The following SREK1IP1 variants were observed in gnomAD, a reference collection of about 807,000 sequenced individuals.
SREK1IP1 encodes the protein SREK1 interacting protein 1, also known as protein SREK1IP1.
In SREK1IP1, 12 loss-of-function variants were observed where a neutral mutation model predicts 22.8. The observed-to-expected ratio is 0.53, with a 90% confidence interval of 0.34 to 0.85. SREK1IP1 has a LOEUF of 0.85. Ranked by LOEUF, SREK1IP1 falls within the 40% of genes least tolerant of loss-of-function variation. SREK1IP1 has a pLI of 0.02. For synonymous variants in SREK1IP1, 53 were observed against 52.7 expected, an observed-to-expected ratio of 1.01 and a Z score of -0.02; for missense variants, 147 against 171.8, an observed-to-expected ratio of 0.86 and a Z score of 0.81.
chr5:64,760,085 A>AT (rs1235997949), intron 1 of SREK1IP1, among the ~76,000 whole-genome samples: 1 of 152,252 alleles, frequency 6.6e-6, no homozygotes. Flanking sequence ...AATAATTTAA[A>AT]TATCAATACG....
At chr5:64,750,153 G>C (rs191800342) in intron 2 of SREK1IP1, among the ~76,000 whole-genome samples, 1 of 151,902 alleles carries the variant, frequency 6.6e-6, no homozygotes, top group Non-Finnish European at 1.5e-5. Flanking sequence ...TGACATTCTA[G>C]ATTCCATGGT....
At chr5:64,736,117 T>G (rs1026919256) in intron 3 of SREK1IP1, among the ~76,000 whole-genome samples, 1 of 152,242 alleles carries the variant, frequency 6.6e-6, no homozygotes, top group African/African-American at 2.4e-5. Flanking sequence ...CCCAATAGAC[T>G]ATTTACAATT....
At chr5:64,754,463 A>G in intron 1 of SREK1IP1, 101 bp from the exon 2 acceptor site, 1 of 1,244,532 alleles carries the variant, frequency 8.0e-7, no homozygotes, top group South Asian at 1.3e-5. Context: ...TTGTTATAGA[A>G]TTTCTTTTTT....
intron 4 of SREK1IP1, chr5:64,727,742 C>CT (rs1038832490): frequency 6.5e-6 from 1 of 153,222 alleles, no homozygotes; most frequent in Non-Finnish European, 1.4e-5. Flanking sequence ...GAGATGAGGT[C>CT]TCCCTATGTT....
rs34077779 is a variant in SREK1IP1 at position 64,767,985 on chromosome 5, T to G, written c.13+520A>C. Among the ~76,000 whole-genome samples the G allele has an allele frequency of 5.9e-3, 905 of 152,272 alleles. 1 individual carries two copies. Among genetic ancestry groups the G allele is most frequent in the Non-Finnish European group, 8.9e-3 (608 of 68,032 alleles). ...TTATATATAATTCAACAAAGCTCCT[T>G]CTTTTTATAAGGAAACTGAGGCCCA... On this transcript the variant is annotated intron_variant, in intron 1 of 4. Transcript: ENST00000513458.
At chr5:64,768,305 G>A (rs1743096099) in intron 1 of SREK1IP1, among the ~76,000 whole-genome samples, 200 bp downstream of exon 1, 1 of 152,164 alleles carries the variant, frequency 6.6e-6, no homozygotes, top group Non-Finnish European at 1.5e-5. Flanking sequence ...TTGGCTCCTG[G>A]GGGGAAGATA....
chr5:64,725,388 A>T (rs1742245311), intron 4 of SREK1IP1, among the ~76,000 whole-genome samples: 1 of 152,218 alleles, frequency 6.6e-6, no homozygotes, highest in Non-Finnish European at 1.5e-5. Context: ...GACAAGACAG[A>T]AACTGAGTTA....
chr5:64,736,254 A>G (rs1364658099), intron 3 of SREK1IP1, among the ~76,000 whole-genome samples: 7 of 152,182 alleles, frequency 4.6e-5, no homozygotes, highest in Non-Finnish European at 1.0e-4. Flanking sequence ...GAGGTGTTAC[A>G]TAAAGGTTAA....
chr5:64,728,206 A>T, intron 3 of SREK1IP1, 27 bp from the exon 4 acceptor site: 1 of 1,363,162 alleles, frequency 7.3e-7, no homozygotes, highest in Non-Finnish European at 9.5e-7. Context: ...AGAAGAAAAA[A>T]ATCTGGTTAA....
rs567741237 is a variant in SREK1IP1, at chr5:64,766,885, C to T, written c.13+1620G>A. 2.6e-5 allele frequency among the ~76,000 whole-genome samples: 4 copies of T among 152,258 alleles called. No homozygotes were observed. In the South Asian group the frequency reaches 8.3e-4, roughly 32 times the overall value. On this transcript the variant is annotated intron_variant, in intron 1 of 4. Coordinates refer to ENST00000513458, the MANE Select transcript of SREK1IP1 (RefSeq NM_173829.4). Reference sequence around the variant, plus strand: ...TAGAATACAATGTTTGATATAGTATCTGACATATTTGACTTATAAATATTA... The same window carrying T: ...TAGAATACAATGTTTGATATAGTATTTGACATATTTGACTTATAAATATTA...
At chr5:64,761,066 CAG>C (rs1742945296) in intron 1 of SREK1IP1, among the ~76,000 whole-genome samples, 2 of 152,244 alleles carry the variant, frequency 1.3e-5, no homozygotes, top group Admixed American at 6.5e-5. Context: ...GTAAATTCTT[CAG>C]AGAGGTTACA....
At chr5:64,730,221 A>C (rs1169691240) in intron 3 of SREK1IP1, among the ~76,000 whole-genome samples, 2 of 152,222 alleles carry the variant, frequency 1.3e-5, no homozygotes, top group Non-Finnish European at 2.9e-5. Context: ...TAGTACCTAA[A>C]GGCCAAGTAG....
intron 2 of SREK1IP1, among the ~76,000 whole-genome samples, chr5:64,741,647 CATA>C (rs201186421): frequency 0.011 from 1,604 of 152,138 alleles, 17 homozygotes; most frequent in Non-Finnish European, 0.016. Context: ...TTAAAGTTGG[CATA>C]ATAATATACA....
At chr5:64,744,064 C>T (rs932670283) in intron 2 of SREK1IP1, among the ~76,000 whole-genome samples, 2 of 152,158 alleles carry the variant, frequency 1.3e-5, no homozygotes, top group African/African-American at 4.8e-5. Context: ...CAAGTGGACA[C>T]AAGCATGTGC....
chr5:64,739,249 T>C (rs1742514682), intron 3 of SREK1IP1, among the ~76,000 whole-genome samples: 1 of 152,152 alleles, frequency 6.6e-6, no homozygotes. Flanking sequence ...GGGAACCAAA[T>C]AGGTGAAGAA....
At chr5:64,761,934 A>C (rs1475577277) in intron 1 of SREK1IP1, among the ~76,000 whole-genome samples, 1 of 152,240 alleles carries the variant, frequency 6.6e-6, no homozygotes, top group Non-Finnish European at 1.5e-5. Flanking sequence ...TATTGAGAAA[A>C]CCAAAAAGAA....
intron 3 of SREK1IP1, among the ~76,000 whole-genome samples, chr5:64,740,236 G>A (rs1051344705): frequency 6.6e-6 from 1 of 151,872 alleles, no homozygotes; most frequent in Non-Finnish European, 1.5e-5. Context: ...AAATCTCTCT[G>A]AAACACACTA....
rs182294758 is a variant in SREK1IP1, at chr5:64,745,447, G to A, written c.62-4247C>T. Among the ~76,000 whole-genome samples the A allele has an allele frequency of 1.5e-3, 231 of 152,036 alleles. 1 individual carries two copies. Among genetic ancestry groups the A allele is most frequent in the African/African-American group, 5.4e-3 (225 of 41,470 alleles). On this transcript the variant is annotated intron_variant, in intron 2 of 4. Coordinates refer to ENST00000513458, the MANE Select transcript of SREK1IP1 (RefSeq NM_173829.4). Reference sequence around the variant, plus strand: ...CTCTACTAAAAATACAAAAATTAACGGCATGGTGGTGCATGCCTGTAATTC... The same window carrying A: ...CTCTACTAAAAATACAAAAATTAACAGCATGGTGGTGCATGCCTGTAATTC...
At chr5:64,738,566 T>G (rs1742503495) in intron 3 of SREK1IP1, among the ~76,000 whole-genome samples, 1 of 152,132 alleles carries the variant, frequency 6.6e-6, no homozygotes, top group South Asian at 2.1e-4. Context: ...GGCATCACAT[T>G]CCTTGATTTC....
Sources: gnomAD v4.1 joint callset for allele counts (sites outside exome capture counted in the v4.1 genomes callset) on GRCh38, gnomAD v4.1.1 for gene constraint, MANE v1.5 for transcripts, NCBI Gene and HGNC (gene_info 2026-07-23, HGNC 2026-07-21) for gene names.